ETV6: variants seen among roughly 807,000 people sequenced by gnomAD.
ETV6 encodes the protein transcription factor ETV6.
ETV6 carries 16 observed loss-of-function variants against 51.1 expected under a neutral mutation model. The observed-to-expected ratio is 0.31, with a 90% confidence interval of 0.21 to 0.48. The LOEUF is 0.48. ETV6 is among the 20% of genes least tolerant of loss of function. ETV6 has a pLI of 0.99. For synonymous variants in ETV6, 240 were observed against 224.1 expected, an observed-to-expected ratio of 1.07 and a Z score of -0.64; for missense variants, 458 against 594.8, an observed-to-expected ratio of 0.77 and a Z score of 2.39.
intron 2 of ETV6, among the ~76,000 whole-genome samples, chr12:11,791,274 C>T (rs1945584398): frequency 6.6e-6 from 1 of 152,090 alleles, no homozygotes; most frequent in South Asian, 2.1e-4. Flanking sequence ...AGATTTGTGC[C>T]TTCTTAAAAA....
chr12:11,711,148 T>A (rs1314912854), intron 1 of ETV6, among the ~76,000 whole-genome samples: 3 of 152,250 alleles, frequency 2.0e-5, no homozygotes, highest in Non-Finnish European at 4.4e-5. Flanking sequence ...GCCTATTCTT[T>A]GGGAGCTCTG....
At chr12:11,780,927 C>T (rs1315770039) in intron 2 of ETV6, among the ~76,000 whole-genome samples, 1 of 152,246 alleles carries the variant, frequency 6.6e-6, no homozygotes, top group African/African-American at 2.4e-5. Context: ...TCCACATCTG[C>T]ATTCCCCCAG....
chr12:11,813,942 C>T (rs1379672217), intron 2 of ETV6, among the ~76,000 whole-genome samples: 1 of 152,214 alleles, frequency 6.6e-6, no homozygotes, highest in Non-Finnish European at 1.5e-5. Flanking sequence ...GTATCAAGCA[C>T]TTCCTTGTAA....
chr12:11,847,085 C>T (rs4763728), intron 3 of ETV6, among the ~76,000 whole-genome samples: 15 of 151,984 alleles, frequency 9.9e-5, no homozygotes, highest in Admixed American at 2.0e-4. Flanking sequence ...CTGCAGTCTA[C>T]GAGCAATAGT....
chr12:11,717,917 T>A (rs1865308001), intron 1 of ETV6, among the ~76,000 whole-genome samples: 1 of 152,164 alleles, frequency 6.6e-6, no homozygotes, highest in Admixed American at 6.5e-5. Context: ...TTGAACAGAA[T>A]TAACAGCCTG....
At chr12:11,817,873 A>G (rs186308543) in intron 2 of ETV6, among the ~76,000 whole-genome samples, 2 of 152,338 alleles carry the variant, frequency 1.3e-5, no homozygotes, top group East Asian at 3.9e-4. Context: ...ATCCATCTTC[A>G]AAGTTCTCTG....
chr12:11,825,545 A>C (rs899294358), intron 2 of ETV6: 10 of 152,136 alleles, frequency 6.6e-5, no homozygotes, highest in African/African-American at 2.4e-4. Flanking sequence ...CCATATAAGG[A>C]CACCTGTCAT....
chr12:11,782,346 C>T (rs928831666), intron 2 of ETV6, among the ~76,000 whole-genome samples: 1 of 152,052 alleles, frequency 6.6e-6, no homozygotes, highest in African/African-American at 2.4e-5. Flanking sequence ...AATGTATCTA[C>T]TCTCGGTGAT....
intron 4 of ETV6, among the ~76,000 whole-genome samples, chr12:11,861,695 C>A (rs1396265775): frequency 2.0e-5 from 3 of 152,116 alleles, no homozygotes; most frequent in South Asian, 4.2e-4. Flanking sequence ...GCCATCTGAT[C>A]TTTGAGATAA....
At chr12:11,735,445 G>A (rs1245787240) in intron 1 of ETV6, among the ~76,000 whole-genome samples, 1 of 152,152 alleles carries the variant, frequency 6.6e-6, no homozygotes, top group Non-Finnish European at 1.5e-5. Context: ...CGTAAGTGTT[G>A]TCTGTTTTGG....
intron 2 of ETV6, among the ~76,000 whole-genome samples, chr12:11,777,330 AT>A (rs1214358034): frequency 1.3e-5 from 2 of 151,912 alleles, no homozygotes; most frequent in Non-Finnish European, 2.9e-5. Context: ...CTTCAGAGTC[AT>A]CTCAATTGTT....
intron 2 of ETV6, among the ~76,000 whole-genome samples, chr12:11,775,072 G>T (rs1008956142): frequency 6.6e-6 from 1 of 152,198 alleles, no homozygotes; most frequent in Non-Finnish European, 1.5e-5. Context: ...CTCTGTCTCT[G>T]TATGGTTTCA....
At chr12:11,807,259 A>C (rs1945841758) in intron 2 of ETV6, among the ~76,000 whole-genome samples, 1 of 152,254 alleles carries the variant, frequency 6.6e-6, no homozygotes, top group South Asian at 2.1e-4. Flanking sequence ...TTTTGATCTT[A>C]AAGAATTTCA....
At chr12:11,681,300 A>G (rs1025367930) in intron 1 of ETV6, among the ~76,000 whole-genome samples, 1 of 152,230 alleles carries the variant, frequency 6.6e-6, no homozygotes, top group Non-Finnish European at 1.5e-5. Flanking sequence ...GAACATTTAC[A>G]TAAAGTTAGC....
chr12:11,689,307 T>A (rs1009767120), intron 1 of ETV6, among the ~76,000 whole-genome samples: 1 of 152,084 alleles, frequency 6.6e-6, no homozygotes, highest in Non-Finnish European at 1.5e-5. Context: ...CTGTTTGAAA[T>A]TAGGAATAGT....
chr12:11,776,619 C>A (rs1048775880), intron 2 of ETV6, among the ~76,000 whole-genome samples: 1 of 152,132 alleles, frequency 6.6e-6, no homozygotes, highest in African/African-American at 2.4e-5. Flanking sequence ...ATCTGACACA[C>A]CTGGTCACTC....
At chr12:11,780,471 C>CT (rs1945397675) in intron 2 of ETV6, among the ~76,000 whole-genome samples, 1 of 151,960 alleles carries the variant, frequency 6.6e-6, no homozygotes, top group African/African-American at 2.4e-5. Flanking sequence ...AAAAAAAAAG[C>CT]TTTTATTGGA....
At chr12:11,715,299 T>C (rs967876123) in intron 1 of ETV6, among the ~76,000 whole-genome samples, 2 of 152,192 alleles carry the variant, frequency 1.3e-5, no homozygotes, top group Admixed American at 6.5e-5. Context: ...TTATTTATTT[T>C]GACTGCTTTA....
intron 2 of ETV6, among the ~76,000 whole-genome samples, chr12:11,780,987 C>G (rs779879745): frequency 6.6e-6 from 1 of 152,194 alleles, no homozygotes; most frequent in Non-Finnish European, 1.5e-5. Flanking sequence ...CTTTCAGTTA[C>G]AGGTACAAGA....
Sources: gnomAD v4.1 joint callset for allele counts (sites outside exome capture counted in the v4.1 genomes callset) on GRCh38, gnomAD v4.1.1 for gene constraint, MANE v1.5 for transcripts, NCBI Gene and HGNC (gene_info 2026-07-23, HGNC 2026-07-21) for gene names.